Variants in FARS2 observed in about 807,000 individuals in gnomAD.
FARS2 encodes phenylalanyl-tRNA synthetase 2, mitochondrial.
In FARS2, 40 loss-of-function variants were observed where a neutral mutation model predicts 46.4. The observed-to-expected ratio is 0.86, with a 90% CI of 0.67 to 1.12. The LOEUF (loss-of-function observed/expected upper bound fraction) is 1.12, where lower values mean the gene tolerates loss of function less well. FARS2 is among the 50% of genes most tolerant of loss of function. FARS2 has a pLI of 0.00. For missense variants in FARS2, 513 were observed against 567.9 expected, an observed-to-expected ratio of 0.90 and a Z score of 0.98; for synonymous variants, 234 against 214.9, an observed-to-expected ratio of 1.09 and a Z score of -0.78.
chr6:5,294,585 C>T (rs1767725308), intron 1 of FARS2, among the ~76,000 whole-genome samples: 1 of 152,216 alleles, frequency 6.6e-6, no homozygotes, highest in Admixed American at 6.5e-5. Flanking sequence ...AGTCACAAGT[C>T]CTGGCCTCTT....
intron 4 of FARS2, among the ~76,000 whole-genome samples, chr6:5,453,369 G>A (rs1027308724): frequency 2.6e-5 from 4 of 152,190 alleles, no homozygotes; most frequent in Admixed American, 2.6e-4. Context: ...GTGGTAAAAG[G>A]AAGGAGGGAA....
At chr6:5,554,428 A>G (rs1226389719) in intron 5 of FARS2, among the ~76,000 whole-genome samples, 1 of 152,182 alleles carries the variant, frequency 6.6e-6, no homozygotes, top group Non-Finnish European at 1.5e-5. Flanking sequence ...TCATGCCTAG[A>G]GTCCCAGGGA....
chr6:5,585,690 A>G (rs1253701855), intron 5 of FARS2, among the ~76,000 whole-genome samples: 1 of 151,824 alleles, frequency 6.6e-6, no homozygotes. Flanking sequence ...TATATATAAT[A>G]TCCCATTATA....
chr6:5,490,035 T>C (rs1038237437), intron 4 of FARS2, among the ~76,000 whole-genome samples: 1 of 152,196 alleles, frequency 6.6e-6, no homozygotes, highest in Non-Finnish European at 1.5e-5. Flanking sequence ...AAAAGCCTCC[T>C]TGTGGCCCTT....
intron 4 of FARS2, among the ~76,000 whole-genome samples, chr6:5,493,657 A>G (rs978629357): frequency 6.6e-6 from 1 of 152,218 alleles, no homozygotes; most frequent in African/African-American, 2.4e-5. Context: ...CTGTTTCCTC[A>G]TTTATAAAAT....
chr6:5,269,877 A>G (rs1765826296), intron 1 of FARS2, among the ~76,000 whole-genome samples: 1 of 152,252 alleles, frequency 6.6e-6, no homozygotes, highest in African/African-American at 2.4e-5. Flanking sequence ...AGTGAATTAC[A>G]TGATTTAATA....
chr6:5,610,573 C>G (rs532163470), intron 5 of FARS2, among the ~76,000 whole-genome samples: 2 of 152,156 alleles, frequency 1.3e-5, no homozygotes, highest in East Asian at 3.9e-4. Context: ...AATACTACAC[C>G]ATTTTATATA....
intron 2 of FARS2, among the ~76,000 whole-genome samples, chr6:5,391,114 A>T (rs1432980910): frequency 3.9e-5 from 6 of 152,180 alleles, no homozygotes; most frequent in African/African-American, 1.2e-4. Flanking sequence ...TGAGTGTTTT[A>T]TGTCCAGTTC....
At chr6:5,358,876 T>C (rs1581875263) in intron 1 of FARS2, among the ~76,000 whole-genome samples, 1 of 152,144 alleles carries the variant, frequency 6.6e-6, no homozygotes, top group East Asian at 1.9e-4. Flanking sequence ...TATTTGTTTT[T>C]GTGTTTGTCA....
intron 5 of FARS2, among the ~76,000 whole-genome samples, chr6:5,569,313 T>G (rs1772499977): frequency 6.6e-6 from 1 of 151,884 alleles, no homozygotes; most frequent in Admixed American, 6.6e-5. Context: ...CATGGCTCTC[T>G]GCATCCTTGA....
chr6:5,459,202 A>G (rs9378951), intron 4 of FARS2, among the ~76,000 whole-genome samples: 56,156 of 152,036 alleles, frequency 0.37, 11,228 homozygotes, highest in East Asian at 0.52. Context: ...TTAGTTTAAC[A>G]TATTTCTAGA....
At chr6:5,723,420 C>T (rs891328721) in intron 6 of FARS2, among the ~76,000 whole-genome samples, 13 of 152,178 alleles carry the variant, frequency 8.5e-5, no homozygotes, top group South Asian at 2.1e-4. Flanking sequence ...CCCTTGGACA[C>T]GCTGCAGACC....
chr6:5,727,012 T>C lies in FARS2; in HGVS notation c.1218-44279T>C, dbSNP rs766551902. Among the ~76,000 whole-genome samples the C allele has an allele frequency of 2.6e-5, 4 of 152,332 alleles. No individual in the cohort carries two copies. Among genetic ancestry groups the C allele is most frequent in the Non-Finnish European group, 2.9e-5 (2 of 68,028 alleles). The stretch of plus-strand genomic sequence containing the variant: ...CTTCGTGACCGCTGTCAACTGCAAA[T>C]GGTATGGCCTTGGGTCAGATACTTG... On this transcript the variant is annotated intron_variant, in intron 6 of 6. Coordinates refer to ENST00000274680, the MANE Select transcript of FARS2 (RefSeq NM_006567.5). The surrounding 1 kb of genome is among the most constrained non-coding windows in gnomAD (Gnocchi z 4.1).
chr6:5,438,947 T>G (rs1209822114), intron 4 of FARS2, among the ~76,000 whole-genome samples: 2 of 152,192 alleles, frequency 1.3e-5, no homozygotes, highest in South Asian at 2.1e-4. Context: ...TTCCTGGTTG[T>G]TTGTAAACAA....
At chr6:5,719,436 A>AAGAGAG (rs1554129031) in intron 6 of FARS2, among the ~76,000 whole-genome samples, 3 of 25,258 alleles carry the variant, frequency 1.2e-4, no homozygotes, top group South Asian at 2.6e-3. Context: ...AAAGAAAGGA[A>AAGAGAG]AGAAAGAGAG....
chr6:5,448,467 TTC>T (rs950862422), intron 4 of FARS2, among the ~76,000 whole-genome samples: 1 of 84,540 alleles, frequency 1.2e-5, no homozygotes, highest in African/African-American at 3.7e-5. Flanking sequence ...CACACATTTT[TTC>T]TGTTTTTTTT....
At chr6:5,616,263 A>T (rs1347337127) in intron 6 of FARS2, among the ~76,000 whole-genome samples, 1 of 152,184 alleles carries the variant, frequency 6.6e-6, no homozygotes, top group Non-Finnish European at 1.5e-5. Context: ...TGGAGTGCCA[A>T]TTCAGCCCTG....
chr6:5,560,771 A>G (rs1771937069), intron 5 of FARS2, among the ~76,000 whole-genome samples: 1 of 152,234 alleles, frequency 6.6e-6, no homozygotes, highest in African/African-American at 2.4e-5. Context: ...TTTCTGTTTT[A>G]CTTTGTATCA....
chr6:5,542,685 T>C (rs538993039), intron 4 of FARS2, among the ~76,000 whole-genome samples: 123 of 152,346 alleles, frequency 8.1e-4, no homozygotes, highest in African/African-American at 2.9e-3. Context: ...TATTGGTTTA[T>C]TGTAAAAAAC....
Sources: gnomAD v4.1 joint callset for allele counts (sites outside exome capture counted in the v4.1 genomes callset) on GRCh38, gnomAD v4.1.1 for gene constraint, Gnocchi (gnomAD v3.1) non-coding constraint, MANE v1.5 for transcripts, NCBI Gene and HGNC (gene_info 2026-07-23, HGNC 2026-07-21) for gene names.